The following PCDHA11 variants were observed in gnomAD, a reference collection of about 807,000 sequenced individuals.
PCDHA11 encodes the protein protocadherin alpha-11.
Under a neutral mutation model 70.3 loss-of-function variants are expected in PCDHA11, and 61 were observed. That is an observed-to-expected ratio of 0.87 (90% CI 0.71 to 1.07). PCDHA11 has a LOEUF of 1.07. Among genes scored for constraint, PCDHA11 ranks in the 50% least tolerant of loss-of-function variants. The probability of loss-of-function intolerance (pLI) is 0.00; values close to 1 mark genes in which losing one functional copy is unlikely to be tolerated. For missense variants in PCDHA11, 1,324 were observed against 1,237.5 expected, an observed-to-expected ratio of 1.07 and a Z score of -1.05; for synonymous variants, 633 against 555.1, an observed-to-expected ratio of 1.14 and a Z score of -1.97.
chr5:140,967,539 A>G (rs1554229656), intron 1 of PCDHA11: 2 of 1,613,730 alleles, frequency 1.2e-6, no homozygotes, highest in African/African-American at 1.3e-5. Flanking sequence ...CCTGCCTTTG[A>G]CCAGTCCACT....
At chr5:140,993,877 C>T (rs1457877493) in intron 3 of PCDHA11, among the ~76,000 whole-genome samples, 4 of 152,150 alleles carry the variant, frequency 2.6e-5, no homozygotes, top group South Asian at 2.1e-4. Context: ...TGTGTAAGTA[C>T]GCTCTATGAT....
chr5:140,968,511 C>T, intron 1 of PCDHA11: 2 of 1,614,198 alleles, frequency 1.2e-6, no homozygotes, highest in Non-Finnish European at 1.7e-6. Context: ...ATTCTGTACC[C>T]TACCTCAACC....
chr5:140,948,722 A>G (rs2094296449), intron 1 of PCDHA11, among the ~76,000 whole-genome samples: 1 of 151,574 alleles, frequency 6.6e-6, no homozygotes, highest in Admixed American at 6.6e-5. Context: ...TTTTTTATCA[A>G]TAAGTCTAGC....
At chr5:140,939,335 T>A (rs1195092720) in intron 1 of PCDHA11, among the ~76,000 whole-genome samples, 2 of 152,080 alleles carry the variant, frequency 1.3e-5, no homozygotes, top group Non-Finnish European at 2.9e-5. Context: ...ATCTTAGGGG[T>A]TAGCATTTCA....
intron 1 of PCDHA11, among the ~76,000 whole-genome samples, chr5:140,885,442 T>A (rs2060596310): frequency 6.6e-6 from 1 of 152,180 alleles, no homozygotes; most frequent in African/African-American, 2.4e-5. Flanking sequence ...TGTGCAATTA[T>A]ATATTATTTA....
At position 140,871,427 on chromosome 5, in the gene PCDHA11, T is replaced by C. The variant is rs782140666; in HGVS notation, c.2324T>C (p.Leu775Pro). ...KTDLMAFSPSLPLGLNKEEEG... is the reference protein window; with the variant it reads ...KTDLMAFSPSPPLGLNKEEEG... ...GACCTCATGGCCTTCAGCCCCAGTC[T>C]TCCTCTAGGTCTGAATAAAGAGGAG... is the stretch of plus-strand genomic sequence containing the variant. Residue 775 changes from leucine to proline, a missense_variant, in exon 1 of 4, where the codon CTT becomes CCT. Transcript: ENST00000398640. 1 of 1,613,326 alleles carries C rather than the reference T, an allele frequency of 6.2e-7. No homozygotes were observed. The highest frequency in any genetic ancestry group is 1.1e-5 in the South Asian group (1 of 90,976).
intron 3 of PCDHA11, among the ~76,000 whole-genome samples, chr5:140,993,715 G>A (rs954129865): frequency 2.0e-5 from 3 of 152,060 alleles, no homozygotes; most frequent in Non-Finnish European, 4.4e-5. Flanking sequence ...TATTTTTACT[G>A]TACCTTTTCT....
chr5:140,929,398 AG>A, intron 1 of PCDHA11: 1 of 1,510,096 alleles, frequency 6.6e-7, no homozygotes, highest in Non-Finnish European at 8.9e-7. Flanking sequence ...AATATTTCTT[AG>A]ACAAGCCTTT....
intron 1 of PCDHA11, chr5:140,968,130 T>C: frequency 6.2e-7 from 1 of 1,614,114 alleles, no homozygotes; most frequent in Non-Finnish European, 8.5e-7. Flanking sequence ...CTGCGTACAC[T>C]GAAGGTTGAG....
At position 141,010,020 on chromosome 5, in the gene PCDHA11, TTCCTA is replaced by T. The variant is rs1554262638; in HGVS notation, c.*86_*90del. 6.4e-7 allele frequency: 1 copy of T among 1,572,330 alleles called. No individual in the cohort carries two copies. Among genetic ancestry groups the T allele is most frequent in the Non-Finnish European group, 8.6e-7 (1 of 1,163,268 alleles). On this transcript the variant is annotated 3_prime_UTR_variant, in exon 4 of 4. Coordinates refer to ENST00000398640, the MANE Select transcript of PCDHA11 (RefSeq NM_018902.5). ...CCATGTAGCAATTCCCTGCTCCTTT[TTCCTA>T]TCTACATGAGCCCTCTTAGAGACCT...
At chr5:140,966,882 C>T (rs782464160) in intron 1 of PCDHA11, 1 of 1,589,690 alleles carries the variant, frequency 6.3e-7, no homozygotes, top group Admixed American at 1.7e-5. Flanking sequence ...CTACCTGGCC[C>T]TGCGGCCTCC....
Position 141,009,928 on chromosome 5 carries a change from T to C in PCDHA11, c.2841T>C (p.Ser947=), listed in dbSNP as rs373891102. The change falls in exon 4 of 4, where the codon AGT becomes AGC. Residue 947 remains serine (S), a synonymous_variant. Transcript: ENST00000398640. The stretch of plus-strand genomic sequence containing the variant: ...AAGGGAACAGCACGACTGACAACAG[T>C]GACCAGTGAGGTCCTCAAATGGAAA... ...KEKGNSTTDN[S]DQ is the part of the protein sequence containing the mutation. 3 of 1,607,808 alleles carry C rather than the reference T, an allele frequency of 1.9e-6. No homozygotes were observed. The highest frequency in any genetic ancestry group is 2.5e-6 in the Non-Finnish European group (3 of 1,178,138).
rs369541654 is a variant in PCDHA11 at position 141,010,673 on chromosome 5, A to G, written c.*736A>G. On this transcript the variant is annotated 3_prime_UTR_variant, in exon 4 of 4. Coordinates refer to ENST00000398640, the MANE Select transcript of PCDHA11 (RefSeq NM_018902.5). ...TTTTAACAGAGAACCACCCTGGGAAACAGAAGCAGATCTGATGTGTTTCCT... is the reference window on the plus strand; with the variant it reads ...TTTTAACAGAGAACCACCCTGGGAAGCAGAAGCAGATCTGATGTGTTTCCT... 8.1e-4 allele frequency: 133 copies of G among 163,824 alleles called. No individual in the cohort carries two copies. Among genetic ancestry groups the G allele is most frequent in the Non-Finnish European group, 5.5e-4 (41 of 74,388 alleles). 10.1% of individuals were successfully genotyped at this position (163,824 alleles called of 1,614,324 possible). A position where few individuals can be genotyped will look rare whatever the true frequency, so the allele number is the denominator to read the frequency against.
chr5:140,980,810 GA>G (rs1410107766), intron 2 of PCDHA11, among the ~76,000 whole-genome samples: 5 of 152,024 alleles, frequency 3.3e-5, no homozygotes, highest in Non-Finnish European at 7.4e-5. Context: ...GTAATACATT[GA>G]ACATATTAAA....
At chr5:140,987,322 T>G (rs1160600975) in intron 3 of PCDHA11, among the ~76,000 whole-genome samples, 3 of 152,200 alleles carry the variant, frequency 2.0e-5, no homozygotes, top group Non-Finnish European at 4.4e-5. Flanking sequence ...CTGTGAAGTT[T>G]TAAGAACTGG....
chr5:140,877,792 CCAAGCCTTCAGCT>C, intron 1 of PCDHA11: 1 of 1,614,004 alleles, frequency 6.2e-7, no homozygotes, highest in East Asian at 2.2e-5. Context: ...GGCCTTCAGC[CCAAGCCTTCAGCT>C]GTCTCGAGAA....
At chr5:140,904,412 A>C (rs1554191488) in intron 1 of PCDHA11, among the ~76,000 whole-genome samples, 2 of 150,986 alleles carry the variant, frequency 1.3e-5, no homozygotes, top group Non-Finnish European at 2.9e-5. Context: ...TATATATATA[A>C]TACATATATT....
At chr5:140,962,171 G>A (rs1218733161) in intron 1 of PCDHA11, among the ~76,000 whole-genome samples, 3 of 151,902 alleles carry the variant, frequency 2.0e-5, no homozygotes, top group Non-Finnish European at 4.4e-5. Context: ...CACCACACCC[G>A]GCCACTTATA....
chr5:140,987,999 C>T (rs543796200), intron 3 of PCDHA11, among the ~76,000 whole-genome samples: 3 of 152,292 alleles, frequency 2.0e-5, no homozygotes, highest in African/African-American at 7.2e-5. Context: ...TCTGATCCTT[C>T]CCCAGAAAGA....
Sources: allele counts gnomAD v4.1 joint callset (sites outside exome capture counted in the v4.1 genomes callset), GRCh38; gene constraint gnomAD v4.1.1; transcripts MANE v1.5; gene names NCBI Gene and HGNC (gene_info 2026-07-23, HGNC 2026-07-21).